The following HMGA2 variants were observed in gnomAD, a reference collection of about 807,000 sequenced individuals.
HMGA2 encodes the protein high mobility group protein HMGI-C.
A neutral mutation model predicts 19.1 loss-of-function variants in HMGA2; 8 were observed. That is an observed-to-expected ratio of 0.42 (90% CI 0.25 to 0.76). HMGA2 has a LOEUF of 0.76. Ranked by LOEUF, HMGA2 falls within the 30% of genes least tolerant of loss-of-function variation. The pLI is 0.28. For synonymous variants in HMGA2, 60 were observed against 48.8 expected, an observed-to-expected ratio of 1.23 and a Z score of -0.96; for missense variants, 109 against 136.3, an observed-to-expected ratio of 0.80 and a Z score of 1.00.
At chr12:65,848,506 A>G (rs1019279675) in intron 3 of HMGA2, among the ~76,000 whole-genome samples, 5 of 152,240 alleles carry the variant, frequency 3.3e-5, no homozygotes, top group Non-Finnish European at 7.3e-5. Context: ...TCCTAGGCTT[A>G]TGTCAACATG....
At chr12:65,892,951 C>A (rs1873973833) in intron 3 of HMGA2, among the ~76,000 whole-genome samples, 1 of 152,184 alleles carries the variant, frequency 6.6e-6, no homozygotes, top group South Asian at 2.1e-4. Flanking sequence ...GGCTCAAAGA[C>A]TCTCTGCTTC....
chr12:65,954,929 G>A (rs946685366), intron 4 of HMGA2: 3 of 152,184 alleles, frequency 2.0e-5, no homozygotes, highest in South Asian at 4.1e-4. Flanking sequence ...ATGAGGCTGG[G>A]TGCAGTGGCT....
chr12:65,904,418 T>G (rs2121187734), intron 3 of HMGA2, among the ~76,000 whole-genome samples: 1 of 152,360 alleles, frequency 6.6e-6, no homozygotes, highest in African/African-American at 2.4e-5. Flanking sequence ...ATCTTGTTTT[T>G]CCACAGTAGA....
intron 3 of HMGA2, among the ~76,000 whole-genome samples, chr12:65,947,857 C>T (rs1876320820): frequency 6.6e-6 from 1 of 152,222 alleles, no homozygotes; most frequent in Admixed American, 6.5e-5. Flanking sequence ...TGACTCTTGT[C>T]CCCTGCGATT....
intron 3 of HMGA2, among the ~76,000 whole-genome samples, chr12:65,878,369 GA>G (rs1396730477): frequency 1.3e-5 from 2 of 152,176 alleles, no homozygotes; most frequent in African/African-American, 4.8e-5. Flanking sequence ...AATGCAAATG[GA>G]AATGACCTAA....
At position 65,825,876 on chromosome 12, in the gene HMGA2, G is replaced by C. The variant is rs1001280468; in HGVS notation, c.111+495G>C. The C allele has an allele frequency of 6.6e-6, 1 of 151,994 alleles. No homozygotes were observed. Among genetic ancestry groups the C allele is most frequent in the South Asian group, 2.1e-4 (1 of 4,816 alleles). The allele number at this position is 151,994 out of a possible 1,614,324, so 9.4% of individuals were successfully genotyped here. On this transcript the variant is annotated intron_variant, in intron 1 of 4. Coordinates refer to ENST00000403681, the MANE Select transcript of HMGA2 (RefSeq NM_003483.6). This position sits in a 1 kb window ranked among gnomAD's most constrained non-coding sequence, Gnocchi z 4.4. ...GCCTCCCGGGGCTGCTCGCGGGTCG[G>C]GGGCTGGCGCGCCGCAGCCGCCCCC... is the stretch of plus-strand genomic sequence containing the variant.
intron 3 of HMGA2, among the ~76,000 whole-genome samples, chr12:65,878,833 C>T (rs1873198690): frequency 6.6e-6 from 1 of 152,204 alleles, no homozygotes. Context: ...AAACTCAACA[C>T]AAGACTTATT....
chr12:65,912,344 C>T (rs1157331018), intron 3 of HMGA2, among the ~76,000 whole-genome samples: 1 of 151,938 alleles, frequency 6.6e-6, no homozygotes, highest in Admixed American at 6.6e-5. Context: ...AAAGTGTGAC[C>T]TCATCTATTT....
At chr12:65,844,748 A>C (rs1356860622) in intron 3 of HMGA2, among the ~76,000 whole-genome samples, 1 of 152,222 alleles carries the variant, frequency 6.6e-6, no homozygotes, top group Non-Finnish European at 1.5e-5. Flanking sequence ...TAGGATTATA[A>C]AAACATTGAC....
chr12:65,922,685 T>A (rs951548316), intron 3 of HMGA2, among the ~76,000 whole-genome samples: 2 of 152,078 alleles, frequency 1.3e-5, no homozygotes, highest in African/African-American at 4.8e-5. Flanking sequence ...TGTGTAGATA[T>A]GAGATTTGGA....
intron 3 of HMGA2, among the ~76,000 whole-genome samples, chr12:65,868,989 T>C (rs1448598408): frequency 6.6e-6 from 1 of 152,172 alleles, no homozygotes; most frequent in Non-Finnish European, 1.5e-5. Context: ...CAGGTTACCA[T>C]TGATTTCCTC....
chr12:65,860,244 A>G (rs1406154819), intron 3 of HMGA2, among the ~76,000 whole-genome samples: 1 of 152,246 alleles, frequency 6.6e-6, no homozygotes, highest in African/African-American at 2.4e-5. Context: ...TGCTCGGAAC[A>G]CTTACATTGG....
chr12:65,884,554 A>G lies in HMGA2; in HGVS notation c.249+45985A>G, dbSNP rs529103176. Reference sequence around the variant, plus strand: ...GCAAAATTTAAACTTTACTTGCACTAGTCTTTATCTCTAAGGAAACTTGTA... The same window carrying G: ...GCAAAATTTAAACTTTACTTGCACTGGTCTTTATCTCTAAGGAAACTTGTA... On this transcript the variant is annotated intron_variant, in intron 3 of 4. Transcript: ENST00000403681. Among the ~76,000 whole-genome samples the G allele has an allele frequency of 2.6e-5, 4 of 152,346 alleles. No homozygotes were observed. In the East Asian group the frequency reaches 7.7e-4, roughly 29 times the overall value.
chr12:65,871,458 T>G (rs1282755757), intron 3 of HMGA2, among the ~76,000 whole-genome samples: 3 of 152,214 alleles, frequency 2.0e-5, no homozygotes, highest in African/African-American at 7.2e-5. Context: ...TTCTTCCTTT[T>G]GTGTGTGAAT....
intron 4 of HMGA2, among the ~76,000 whole-genome samples, chr12:65,959,210 G>A (rs997439171): frequency 1.5e-4 from 23 of 152,166 alleles, no homozygotes; most frequent in African/African-American, 5.6e-4. Context: ...TCTATTAGAA[G>A]AAGTGTACCC....
intron 3 of HMGA2, among the ~76,000 whole-genome samples, chr12:65,916,535 G>A (rs1022741420): frequency 3.9e-5 from 6 of 152,086 alleles, no homozygotes; most frequent in South Asian, 2.1e-4. Context: ...TAAACAATAC[G>A]CATATAACTC....
chr12:65,866,071 A>G (rs1214634696), intron 3 of HMGA2, among the ~76,000 whole-genome samples: 1 of 152,130 alleles, frequency 6.6e-6, no homozygotes, highest in African/African-American at 2.4e-5. Flanking sequence ...AGGAGGGTGG[A>G]CCTCTATATT....
intron 3 of HMGA2, among the ~76,000 whole-genome samples, chr12:65,917,557 T>TCATA (rs2121231900): frequency 6.6e-6 from 1 of 152,230 alleles, no homozygotes; most frequent in South Asian, 2.1e-4. Context: ...ATGGGCGTTT[T>TCATA]CATAAAGCAG....
At chr12:65,916,778 A>T (rs752445341) in intron 3 of HMGA2, among the ~76,000 whole-genome samples, 10 of 152,168 alleles carry the variant, frequency 6.6e-5, no homozygotes, top group Admixed American at 2.0e-4. Flanking sequence ...AGAGAGAAAG[A>T]GTTACTAGGG....
Sources: gnomAD v4.1 joint callset for allele counts (sites outside exome capture counted in the v4.1 genomes callset) on GRCh38, gnomAD v4.1.1 for gene constraint, Gnocchi (gnomAD v3.1) non-coding constraint, MANE v1.5 for transcripts, NCBI Gene and HGNC (gene_info 2026-07-23, HGNC 2026-07-21) for gene names.